The following NEMF variants were observed in gnomAD, a reference collection of about 807,000 sequenced individuals.
NEMF encodes nuclear export mediator factor, also known as ribosome quality control complex subunit NEMF.
Under a neutral mutation model 162.2 loss-of-function variants are expected in NEMF, and 89 were observed. The observed-to-expected ratio is 0.55, with a 90% CI of 0.46 to 0.65. NEMF has a LOEUF of 0.65. Ranked by LOEUF, NEMF falls within the 30% of genes least tolerant of loss-of-function variation. The pLI is 0.00. For synonymous variants in NEMF, 421 were observed against 404.5 expected (o/e 1.04, Z -0.49); for missense variants, 1,133 against 1,261.9 (o/e 0.90, Z 1.55).
Position 49,789,215 on chromosome 14 carries a change from TTCTTTCTTAATG to T in NEMF, c.2814_2825del (p.Asn938_Glu942delinsLys). On this transcript the variant is annotated inframe_deletion, in exon 28 of 33. Coordinates refer to ENST00000298310, the MANE Select transcript of NEMF (RefSeq NM_004713.6). The stretch of plus-strand genomic sequence containing the variant: ...GAGTTATAACCTCAAGGAACGGAGT[TTCTTTCTTAATG>T]TTGTCAGAGACCCTCTGTCCACCTC... 1 of 1,614,110 alleles carries T rather than the reference TTCTTTCTTAATG, an allele frequency of 6.2e-7. No individual in the cohort carries two copies. The highest frequency in any genetic ancestry group is 2.2e-5 in the East Asian group (1 of 44,874).
chr14:49,841,385 AC>A (rs1893199081), intron 4 of NEMF, among the ~76,000 whole-genome samples: 1 of 151,468 alleles, frequency 6.6e-6, no homozygotes, highest in Non-Finnish European at 1.5e-5. Context: ...AACCAGCTTG[AC>A]CAACATGGAG....
intron 16 of NEMF, chr14:49,820,101 G>T: frequency 4.5e-6 from 1 of 222,800 alleles, no homozygotes; most frequent in Non-Finnish European, 9.0e-6. Context: ...ACAGGCACAA[G>T]CCACCACACC....
Position 49,804,711 on chromosome 14 carries a change from G to A in NEMF, c.1857+1310C>T, listed in dbSNP as rs117463540. Among the ~76,000 whole-genome samples, 51 of 151,514 alleles carry A rather than the reference G, an allele frequency of 3.4e-4. No homozygotes were observed. In the East Asian group the frequency reaches 5.5e-3, roughly 16 times the overall value. ...CATCTGTGAAACCCCCAAATCTTGA[G>A]AGTATCTTTATTAGTCATAGTTATT... On this transcript the variant is annotated intron_variant, in intron 19 of 32. Coordinates refer to ENST00000298310, the MANE Select transcript of NEMF (RefSeq NM_004713.6).
chr14:49,829,295 T>C, intron 12 of NEMF, 33 bp from the exon 13 acceptor site: 1 of 1,612,986 alleles, frequency 6.2e-7, no homozygotes, highest in Non-Finnish European at 8.5e-7. Flanking sequence ...TTTACTACAT[T>C]GCCAGTTAAA....
At chr14:49,811,722 T>C (rs1891487729) in intron 18 of NEMF, among the ~76,000 whole-genome samples, 1 of 152,204 alleles carries the variant, frequency 6.6e-6, no homozygotes, top group Admixed American at 6.5e-5. Context: ...TTTTTGTCCT[T>C]TATTAGTAGA....
intron 16 of NEMF, among the ~76,000 whole-genome samples, chr14:49,822,286 TAAAAA>T (rs913232772): frequency 4.2e-5 from 3 of 70,642 alleles, no homozygotes; most frequent in Non-Finnish European, 9.0e-5. Flanking sequence ...GAATGATCAA[TAAAAA>T]AAAATAAAAT....
chr14:49,820,426 C>A (rs1891945771), intron 16 of NEMF: 2 of 456,606 alleles, frequency 4.4e-6, no homozygotes. Context: ...CATGACTTCG[C>A]TGAAGTTCCT....
chr14:49,851,909 A>C, intron 1 of NEMF, 34 bp from the exon 2 acceptor site: 2 of 1,266,066 alleles, frequency 1.6e-6, no homozygotes, highest in South Asian at 1.3e-5. Context: ...AACATGTTAC[A>C]CTATTGTCTG....
intron 7 of NEMF, chr14:49,834,026 T>C (rs1029644829): frequency 1.4e-5 from 6 of 421,360 alleles, no homozygotes; most frequent in Non-Finnish European, 2.3e-5. Flanking sequence ...ATTTAGTATA[T>C]TGCAGAAACT....
chr14:49,806,256 A>ATATATATTTTT (rs1458069194), intron 18 of NEMF, 123 bp from the exon 19 acceptor site: 1 of 38,542 alleles, frequency 2.6e-5, no homozygotes, highest in African/African-American at 1.2e-4. Flanking sequence ...ATATATATAT[A>ATATATATTTTT]TTTTTTTTTT....
In NEMF at chr14:49,809,496, T is replaced by C. The variant is rs1410801547; in HGVS notation, c.1745-3363A>G. On this transcript the variant is annotated intron_variant, in intron 18 of 32. Coordinates refer to ENST00000298310, the MANE Select transcript of NEMF (RefSeq NM_004713.6). Reference sequence around the variant, plus strand: ...GAGGACTTTTTTAGCACAACCAAACTAAATCTGTATGATAATACAATGGCA... The same window carrying C: ...GAGGACTTTTTTAGCACAACCAAACCAAATCTGTATGATAATACAATGGCA... 2.0e-5 allele frequency among the ~76,000 whole-genome samples: 3 copies of C among 152,158 alleles called. No homozygotes were observed. The East Asian group carries it at 5.8e-4, about 29-fold the overall frequency.
rs772923737 is a variant in NEMF, at chr14:49,782,818, G to T, written c.*1818C>A. 6.2e-7 allele frequency: 1 copy of T among 1,608,988 alleles called. No individual in the cohort carries two copies. On this transcript the variant is annotated 3_prime_UTR_variant, in exon 33 of 33. Transcript: ENST00000298310. ...AGTGAAATTACTTTTCTCTTTCCTT[G>T]TCCACTTTCAGGCTAAGCTTAGAAG... is the stretch of plus-strand genomic sequence containing the variant.
At chr14:49,836,916 T>C (rs564728202) in intron 6 of NEMF, among the ~76,000 whole-genome samples, 26 of 152,312 alleles carry the variant, frequency 1.7e-4, no homozygotes, top group African/African-American at 5.3e-4. Flanking sequence ...AATAATTCTG[T>C]ATAGCTGTCA....
chr14:49,823,395 G>C (rs1417621602), intron 16 of NEMF, among the ~76,000 whole-genome samples: 1 of 151,006 alleles, frequency 6.6e-6, no homozygotes, highest in Non-Finnish European at 1.5e-5. Flanking sequence ...TTTTAAAAAG[G>C]GTATATTCCA....
At chr14:49,799,890 T>C (rs896205853) in intron 23 of NEMF, among the ~76,000 whole-genome samples, 7 of 152,206 alleles carry the variant, frequency 4.6e-5, no homozygotes, top group African/African-American at 1.7e-4. Flanking sequence ...AAACTTACTG[T>C]GTGTCAGGCA....
intron 13 of NEMF, 72 bp from the exon 14 acceptor site, chr14:49,828,879 T>A (rs1594782480): frequency 7.5e-7 from 1 of 1,333,514 alleles, no homozygotes; most frequent in East Asian, 2.5e-5. Flanking sequence ...TCTTCTTCAA[T>A]AAAATTATAA....
intron 27 of NEMF, 71 bp downstream of exon 27, chr14:49,789,425 T>C (rs1336753653): frequency 1.1e-5 from 18 of 1,607,592 alleles, no homozygotes; most frequent in Non-Finnish European, 1.5e-5. Flanking sequence ...TGAATGCCTG[T>C]CATACGCTAG....
At chr14:49,805,915 A>G in intron 19 of NEMF, 106 bp downstream of exon 19, 1 of 572,204 alleles carries the variant, frequency 1.7e-6, no homozygotes. Flanking sequence ...TACCAAAAAG[A>G]GTTAGCTCTA....
At position 49,828,730 on chromosome 14, in the gene NEMF, G is replaced by A; in HGVS notation, c.1310C>T (p.Pro437Leu). Reference protein sequence around the residue: ...DVNVEKNETEPPKGKKKKQKN... With the variant: ...DVNVEKNETELPKGKKKKQKN... ...TTGTTTTTTCTTTTTTCCTTTTGGT[G>A]GTTCAGTTTCATTTTTCTCAACATT... Residue 437 changes from proline to leucine, a missense_variant, in exon 14 of 33, where the codon CCA becomes CTA. Coordinates refer to ENST00000298310, the MANE Select transcript of NEMF (RefSeq NM_004713.6). 1 of 1,596,676 alleles carries A rather than the reference G, an allele frequency of 6.3e-7. No homozygotes were observed. The highest frequency in any genetic ancestry group is 8.5e-7 in the Non-Finnish European group (1 of 1,170,086).
Sources: gnomAD v4.1 joint callset for allele counts (sites outside exome capture counted in the v4.1 genomes callset) on GRCh38, gnomAD v4.1.1 for gene constraint, MANE v1.5 for transcripts, NCBI Gene and HGNC (gene_info 2026-07-23, HGNC 2026-07-21) for gene names.